RNF144A: variants seen among roughly 807,000 people sequenced by gnomAD.
RNF144A encodes the protein E3 ubiquitin-protein ligase RNF144A.
Under a neutral mutation model 38.7 loss-of-function variants are expected in RNF144A, and 11 were observed. The ratio of observed to expected loss-of-function variants is 0.28; its 90% confidence interval spans 0.18 to 0.47. The LOEUF (loss-of-function observed/expected upper bound fraction) is 0.47, where lower values mean the gene tolerates loss of function less well. RNF144A is among the 20% of genes least tolerant of loss of function. RNF144A has a pLI of 0.99. For synonymous variants in RNF144A, 149 were observed against 143.9 expected (o/e 1.04, Z -0.25); for missense variants, 316 against 377.2 (o/e 0.84, Z 1.34).
chr2:6,989,764 A>G (rs908127651), intron 2 of RNF144A, among the ~76,000 whole-genome samples: 3 of 151,936 alleles, frequency 2.0e-5, no homozygotes, highest in Non-Finnish European at 4.4e-5. Flanking sequence ...CTGCTCTCCC[A>G]GCCGCCCCCC....
chr2:6,931,190 G>T (rs887764296), intron 1 of RNF144A, among the ~76,000 whole-genome samples: 1 of 152,192 alleles, frequency 6.6e-6, no homozygotes, highest in Admixed American at 6.5e-5. Context: ...AGGCAAGACT[G>T]TGGGGACAGA....
chr2:7,051,894 T>C (rs1420411337), intron 6 of RNF144A, among the ~76,000 whole-genome samples: 1 of 152,180 alleles, frequency 6.6e-6, no homozygotes, highest in Non-Finnish European at 1.5e-5. Flanking sequence ...CCTCATGGGA[T>C]CTTCCTGAGC....
In RNF144A at chr2:6,941,602, T is replaced by G. The variant is rs1665984454; in HGVS notation, c.-12+455T>G. Among the ~76,000 whole-genome samples the G allele has an allele frequency of 6.6e-6, 1 of 152,172 alleles. No homozygotes were observed. The highest frequency in any genetic ancestry group is 6.5e-5 in the Admixed American group (1 of 15,288). On this transcript the variant is annotated intron_variant, in intron 2 of 8. Transcript: ENST00000320892. The surrounding 1 kb of genome is among the most constrained non-coding windows in gnomAD (Gnocchi z 6.5). ...GGGACAGTCAGGAAGAGACAGACAA[T>G]TCTCATTTGACAGTAGCCGGAAGCA...
At chr2:7,027,740 C>G (rs1481675142) in intron 7 of RNF144A, among the ~76,000 whole-genome samples, 1 of 152,180 alleles carries the variant, frequency 6.6e-6, no homozygotes, top group Non-Finnish European at 1.5e-5. Context: ...GGAAAGTATT[C>G]CCTATCACAG....
chr2:6,977,302 C>G (rs1668373786), intron 2 of RNF144A, among the ~76,000 whole-genome samples: 1 of 152,246 alleles, frequency 6.6e-6, no homozygotes, highest in Non-Finnish European at 1.5e-5. Context: ...GGGCTGGAAG[C>G]CAGGCCTCCT....
intron 6 of RNF144A, among the ~76,000 whole-genome samples, chr2:7,067,636 AG>A (rs1472378961): frequency 6.6e-6 from 1 of 152,186 alleles, no homozygotes; most frequent in Non-Finnish European, 1.5e-5. Flanking sequence ...AGTGAACAAA[AG>A]GTGACCACAT....
chr2:6,930,923 C>T (rs1163313119), intron 1 of RNF144A, among the ~76,000 whole-genome samples: 2 of 152,160 alleles, frequency 1.3e-5, no homozygotes, highest in African/African-American at 2.4e-5. Context: ...AATAAATCCA[C>T]CTTATGTCAT....
At chr2:6,985,839 A>AT (rs1252134415) in intron 2 of RNF144A, among the ~76,000 whole-genome samples, 7 of 151,810 alleles carry the variant, frequency 4.6e-5, no homozygotes, top group Non-Finnish European at 8.8e-5. Context: ...CACCCGGCTA[A>AT]TTTTTTTTGT....
At chr2:7,059,143 C>T (rs565329512) in intron 6 of RNF144A, among the ~76,000 whole-genome samples, 7 of 152,090 alleles carry the variant, frequency 4.6e-5, no homozygotes, top group South Asian at 2.1e-4. Flanking sequence ...GTCAAGAGAT[C>T]GAGACCATCC....
At chr2:7,001,184 C>A (rs1420034431) in intron 3 of RNF144A, among the ~76,000 whole-genome samples, 2 of 151,912 alleles carry the variant, frequency 1.3e-5, no homozygotes, top group African/African-American at 2.4e-5. Context: ...CCTGTAATCC[C>A]AGCTACTCAG....
At chr2:7,027,492 G>A (rs1183371748) in intron 7 of RNF144A, among the ~76,000 whole-genome samples, 1 of 152,218 alleles carries the variant, frequency 6.6e-6, no homozygotes, top group Non-Finnish European at 1.5e-5. Flanking sequence ...TCTCAAACTA[G>A]TGAGGAAGGG....
intron 3 of RNF144A, among the ~76,000 whole-genome samples, chr2:7,000,658 G>C (rs2103396899): frequency 6.6e-6 from 1 of 152,148 alleles, no homozygotes; most frequent in African/African-American, 2.4e-5. Context: ...TCCCAAAGGT[G>C]GGAACATGTG....
downstream of RNF144A, among the ~76,000 whole-genome samples, chr2:7,046,120 C>G (rs1459765098): frequency 2.0e-5 from 3 of 152,150 alleles, no homozygotes; most frequent in African/African-American, 7.2e-5. Flanking sequence ...GTATTCTAAA[C>G]TTGACTTGTT....
At chr2:7,018,888 C>G (rs1671324255) in intron 5 of RNF144A, among the ~76,000 whole-genome samples, 1 of 151,212 alleles carries the variant, frequency 6.6e-6, no homozygotes, top group African/African-American at 2.4e-5. Context: ...TTAATTCATG[C>G]TTAAAAAAAA....
At chr2:7,046,076 G>A (rs1237816367), downstream of RNF144A, among the ~76,000 whole-genome samples, 1 of 152,226 alleles carries the variant, frequency 6.6e-6, no homozygotes, top group Non-Finnish European at 1.5e-5. Flanking sequence ...GGTGGGAATG[G>A]CACAGACTTT....
chr2:6,934,976 A>G (rs958416221), intron 1 of RNF144A, among the ~76,000 whole-genome samples: 7 of 152,304 alleles, frequency 4.6e-5, no homozygotes, highest in Non-Finnish European at 1.0e-4. Context: ...AAAAAACCAC[A>G]TGGTCAAGGT....
At chr2:7,048,826 A>G (rs1220718178), downstream of RNF144A, among the ~76,000 whole-genome samples, 1 of 152,234 alleles carries the variant, frequency 6.6e-6, no homozygotes, top group Non-Finnish European at 1.5e-5. Context: ...CTTCTGGAAG[A>G]GATTCACTTT....
At chr2:7,061,721 A>G (rs1673963527) in intron 6 of RNF144A, among the ~76,000 whole-genome samples, 1 of 152,202 alleles carries the variant, frequency 6.6e-6, no homozygotes, top group African/African-American at 2.4e-5. Context: ...TTTGGTAACG[A>G]TGGCATTGCT....
At chr2:6,920,764 A>C (rs1014291151) in intron 1 of RNF144A, among the ~76,000 whole-genome samples, 15 of 152,368 alleles carry the variant, frequency 9.8e-5, no homozygotes, top group African/African-American at 3.6e-4. Context: ...TTGTTTCTGC[A>C]TTACTGAAAC....
Sources: allele counts gnomAD v4.1 joint callset (sites outside exome capture counted in the v4.1 genomes callset), GRCh38; gene constraint gnomAD v4.1.1; non-coding constraint Gnocchi (gnomAD v3.1); transcripts MANE v1.5; gene names NCBI Gene and HGNC (gene_info 2026-07-23, HGNC 2026-07-21).